ARMH4: variants seen among roughly 807,000 people sequenced by gnomAD.
ARMH4 encodes armadillo like helical domain containing 4.
Under a neutral mutation model 61.9 loss-of-function variants are expected in ARMH4, and 49 were observed. That is an observed-to-expected ratio of 0.79 (90% CI 0.63 to 1.00). The LOEUF (loss-of-function observed/expected upper bound fraction) is 1.00, where lower values mean the gene tolerates loss of function less well. Among genes scored for constraint, ARMH4 ranks in the 50% least tolerant of loss-of-function variants. The pLI is 0.00. For missense variants in ARMH4, 934 were observed against 930.0 expected, an observed-to-expected ratio of 1.00 and a Z score of -0.06; for synonymous variants, 368 against 341.5, an observed-to-expected ratio of 1.08 and a Z score of -0.85.
intron 2 of ARMH4, among the ~76,000 whole-genome samples, chr14:58,134,480 A>T (rs1440628085): frequency 1.3e-5 from 2 of 152,190 alleles, no homozygotes; most frequent in Non-Finnish European, 2.9e-5. Flanking sequence ...CCCTCTTATG[A>T]AGGGGCTATG....
At chr14:58,093,613 C>T (rs560488176) in intron 5 of ARMH4, among the ~76,000 whole-genome samples, 1 of 152,150 alleles carries the variant, frequency 6.6e-6, no homozygotes, top group Non-Finnish European at 1.5e-5. Context: ...AAATCCATCA[C>T]AAAGAAGGAA....
At chr14:58,143,289 TA>T (rs1887625448) in intron 1 of ARMH4, among the ~76,000 whole-genome samples, 1 of 152,134 alleles carries the variant, frequency 6.6e-6, no homozygotes, top group Admixed American at 6.5e-5. Flanking sequence ...TATCAGGGAT[TA>T]CAAATTTAGC....
At position 58,141,883 on chromosome 14, in the gene ARMH4, C is replaced by T. The variant is rs748734362; in HGVS notation, c.-56-2469G>A. Reference sequence around the variant, plus strand: ...GATTAGAAAAGGTTTAAGAGTTAAGCAAGGTTAATAGTTTCAGAAAAAAAC... The same window carrying T: ...GATTAGAAAAGGTTTAAGAGTTAAGTAAGGTTAATAGTTTCAGAAAAAAAC... On this transcript the variant is annotated intron_variant, in intron 1 of 7. Coordinates refer to ENST00000267485, the MANE Select transcript of ARMH4 (RefSeq NM_001001872.4). 9.4e-4 allele frequency among the ~76,000 whole-genome samples: 143 copies of T among 152,164 alleles called. 2 individuals carry two copies. Among genetic ancestry groups the T allele is most frequent in the Non-Finnish European group, 4.7e-4 (32 of 67,994 alleles).
At chr14:58,067,091 T>C (rs1322895933) in intron 5 of ARMH4, among the ~76,000 whole-genome samples, 1 of 152,238 alleles carries the variant, frequency 6.6e-6, no homozygotes, top group Admixed American at 6.5e-5. Flanking sequence ...AGTTTTCCCA[T>C]CTTCTTCAAA....
At chr14:58,150,250 T>C (rs1352704797) in intron 1 of ARMH4, among the ~76,000 whole-genome samples, 1 of 152,208 alleles carries the variant, frequency 6.6e-6, no homozygotes, top group Admixed American at 6.5e-5. Context: ...GTAAACACAA[T>C]ATGGAAAAAT....
chr14:58,020,100 A>G (rs1166087627), intron 5 of ARMH4, among the ~76,000 whole-genome samples: 4 of 152,236 alleles, frequency 2.6e-5, no homozygotes, highest in Admixed American at 2.6e-4. Context: ...ACTATTATCC[A>G]CTATTTTACA....
At chr14:58,056,640 G>C (rs1350304747) in intron 5 of ARMH4, among the ~76,000 whole-genome samples, 1 of 152,132 alleles carries the variant, frequency 6.6e-6, no homozygotes, top group Non-Finnish European at 1.5e-5. Flanking sequence ...TAGGCATGTG[G>C]CCAAGGTCAT....
At chr14:58,032,671 G>C (rs916190821) in intron 5 of ARMH4, among the ~76,000 whole-genome samples, 53 of 152,046 alleles carry the variant, frequency 3.5e-4, no homozygotes, top group African/African-American at 1.3e-3. Flanking sequence ...GTGCCAGACA[G>C]TGGGCGCAGG....
At chr14:58,099,600 T>A (rs1885887189) in intron 4 of ARMH4, among the ~76,000 whole-genome samples, 1 of 152,090 alleles carries the variant, frequency 6.6e-6, no homozygotes, top group South Asian at 2.1e-4. Context: ...AAACAAAAAA[T>A]TCTTACCAGA....
chr14:58,067,618 G>A (rs1168495597), intron 5 of ARMH4, among the ~76,000 whole-genome samples: 2 of 152,196 alleles, frequency 1.3e-5, no homozygotes, highest in Admixed American at 6.5e-5. Context: ...TCTTTATGGT[G>A]GTGGACAGAG....
intron 5 of ARMH4, among the ~76,000 whole-genome samples, chr14:58,039,354 C>A (rs1314955689): frequency 6.6e-6 from 1 of 152,118 alleles, no homozygotes; most frequent in East Asian, 1.9e-4. Flanking sequence ...TATCAGAGGA[C>A]CTGAACTAAC....
Position 58,058,884 on chromosome 14 carries a change from A to G in ARMH4, c.2089+37840T>C, listed in dbSNP as rs144914881. On this transcript the variant is annotated intron_variant, in intron 5 of 7. Transcript: ENST00000267485. The stretch of plus-strand genomic sequence containing the variant: ...AATAATTGCCCCAGAATGAAAAGGT[A>G]GGGAAGTCAGCATTTTTCCACCATT... Among the ~76,000 whole-genome samples, 1,491 of 152,354 alleles carry G rather than the reference A, an allele frequency of 9.8e-3. 8 individuals carry two copies. The highest frequency in any genetic ancestry group is 0.02 in the Middle Eastern group (6 of 294).
chr14:58,057,893 T>G (rs1336162672), intron 5 of ARMH4, among the ~76,000 whole-genome samples: 1 of 152,170 alleles, frequency 6.6e-6, no homozygotes, highest in Admixed American at 6.5e-5. Flanking sequence ...GCTAGAGAGA[T>G]AGGTTAGTAA....
chr14:58,089,487 T>C (rs145529082), intron 5 of ARMH4, among the ~76,000 whole-genome samples: 35 of 152,328 alleles, frequency 2.3e-4, no homozygotes, highest in Non-Finnish European at 4.3e-4. Context: ...CTTCCCACAC[T>C]TAGGCTGCAA....
chr14:58,071,181 G>T (rs1884873165), intron 5 of ARMH4, among the ~76,000 whole-genome samples: 1 of 150,036 alleles, frequency 6.7e-6, no homozygotes, highest in East Asian at 1.9e-4. Flanking sequence ...AATAGTACGG[G>T]TAATAATTAT....
intron 1 of ARMH4, among the ~76,000 whole-genome samples, chr14:58,146,152 C>T (rs908032986): frequency 6.6e-6 from 1 of 152,218 alleles, no homozygotes; most frequent in Admixed American, 6.5e-5. Flanking sequence ...GTGCCTGGCA[C>T]AGAAGAAATG....
intron 5 of ARMH4, among the ~76,000 whole-genome samples, chr14:58,056,983 A>G (rs375207567): frequency 1.3e-5 from 2 of 152,230 alleles, no homozygotes. Flanking sequence ...CCCACCAACC[A>G]TACCCCAGAC....
chr14:58,002,712 G>A lies in ARMH4; in HGVS notation c.*2024C>T, dbSNP rs186885971. 3.4e-4 allele frequency: 52 copies of A among 152,338 alleles called. No homozygotes were observed. Among genetic ancestry groups the A allele is most frequent in the African/African-American group, 1.2e-3 (51 of 41,574 alleles). The allele number at this position is 152,338 out of a possible 1,614,324, so 9.4% of individuals were successfully genotyped here. On this transcript the variant is annotated 3_prime_UTR_variant, in exon 8 of 8. Coordinates refer to ENST00000267485, the MANE Select transcript of ARMH4 (RefSeq NM_001001872.4). ...TTAGAAACACTTACAGCAAAGGGCT[G>A]CTCTTAGAAAAGGAAAACATCCCTT...
At chr14:58,075,682 T>A (rs1594741959) in intron 5 of ARMH4, among the ~76,000 whole-genome samples, 1 of 152,068 alleles carries the variant, frequency 6.6e-6, no homozygotes, top group Non-Finnish European at 1.5e-5. Context: ...AGCAAACCAC[T>A]ATGGCACATG....
Sources: allele counts gnomAD v4.1 joint callset (sites outside exome capture counted in the v4.1 genomes callset), GRCh38; gene constraint gnomAD v4.1.1; transcripts MANE v1.5; gene names NCBI Gene and HGNC (gene_info 2026-07-23, HGNC 2026-07-21).